The following CCDC91 variants were observed in gnomAD, a reference collection of about 807,000 sequenced individuals.
CCDC91 encodes the protein coiled-coil domain containing 91.
Under a neutral mutation model 63.2 loss-of-function variants are expected in CCDC91, and 48 were observed. That is an observed-to-expected ratio of 0.76 (90% CI 0.60 to 0.97). The LOEUF (loss-of-function observed/expected upper bound fraction) is 0.97. CCDC91 is among the 50% of genes least tolerant of loss of function. CCDC91 has a pLI of 0.00. For missense variants in CCDC91, 500 were observed against 494.6 expected, an observed-to-expected ratio of 1.01 and a Z score of -0.10; for synonymous variants, 167 against 165.8, an observed-to-expected ratio of 1.01 and a Z score of -0.06.
intron 3 of CCDC91, chr12:28,304,761 G>A (rs1938525408): frequency 4.7e-6 from 3 of 631,636 alleles, no homozygotes; most frequent in African/African-American, 1.9e-5. Context: ...GCACCAAAAA[G>A]TGACTCACTT....
At chr12:28,470,608 T>C (rs911363649) in intron 11 of CCDC91, among the ~76,000 whole-genome samples, 2 of 152,034 alleles carry the variant, frequency 1.3e-5, no homozygotes, top group African/African-American at 4.8e-5. Context: ...GAAAGAAAAT[T>C]AGTGTATCAG....
At chr12:28,420,127 G>A (rs912946267) in intron 8 of CCDC91, among the ~76,000 whole-genome samples, 3 of 152,008 alleles carry the variant, frequency 2.0e-5, no homozygotes, top group Non-Finnish European at 2.9e-5. Context: ...GTAAAATTTA[G>A]GAAGCTGACC....
chr12:28,436,851 T>A (rs1236142184), intron 8 of CCDC91, among the ~76,000 whole-genome samples: 1 of 151,962 alleles, frequency 6.6e-6, no homozygotes, highest in Non-Finnish European at 1.5e-5. Context: ...TAGGAATTCA[T>A]GTGTACTCTC....
chr12:28,448,907 A>G (rs1949666573), intron 8 of CCDC91, among the ~76,000 whole-genome samples: 1 of 152,074 alleles, frequency 6.6e-6, no homozygotes, highest in Non-Finnish European at 1.5e-5. Flanking sequence ...TTCTGCGTGC[A>G]TCTAGATTTA....
chr12:28,415,599 A>G (rs1306521419), intron 8 of CCDC91, among the ~76,000 whole-genome samples: 2 of 152,128 alleles, frequency 1.3e-5, no homozygotes, highest in South Asian at 2.1e-4. Flanking sequence ...AATTATAAAA[A>G]CATGGAAATT....
At chr12:28,282,371 T>C (rs1181271848) in intron 3 of CCDC91, among the ~76,000 whole-genome samples, 2 of 152,162 alleles carry the variant, frequency 1.3e-5, no homozygotes, top group East Asian at 3.8e-4. Flanking sequence ...ATTTGTTCTT[T>C]TGTTCCTGAC....
At chr12:28,540,841 C>T (rs1942577969) in intron 12 of CCDC91, among the ~76,000 whole-genome samples, 1 of 151,980 alleles carries the variant, frequency 6.6e-6, no homozygotes, top group East Asian at 1.9e-4. Context: ...TCTTGGATTG[C>T]TTATTTTGGG....
chr12:28,546,597 G>A (rs1416173434), intron 12 of CCDC91, among the ~76,000 whole-genome samples: 1 of 152,030 alleles, frequency 6.6e-6, no homozygotes, highest in African/African-American at 2.4e-5. Flanking sequence ...ACAGAGGTCT[G>A]TGTTGAAGGA....
At chr12:28,304,990 T>C (rs771173657) in intron 3 of CCDC91, among the ~76,000 whole-genome samples, 2 of 152,154 alleles carry the variant, frequency 1.3e-5, no homozygotes, top group African/African-American at 2.4e-5. Context: ...AGAAAAGTTA[T>C]TATTTTTCTG....
At chr12:28,416,974 C>T (rs1005228730) in intron 8 of CCDC91, among the ~76,000 whole-genome samples, 19 of 151,992 alleles carry the variant, frequency 1.3e-4, no homozygotes, top group African/African-American at 4.3e-4. Context: ...CTTTGATGGT[C>T]TCTGGTTTCA....
intron 8 of CCDC91, among the ~76,000 whole-genome samples, chr12:28,418,231 C>G (rs1947797536): frequency 6.6e-6 from 1 of 152,070 alleles, no homozygotes. Context: ...TTGGCATTGT[C>G]TGTTTTAAGC....
At chr12:28,306,631 T>A in intron 4 of CCDC91, 111 bp from the exon 5 acceptor site, 1 of 712,756 alleles carries the variant, frequency 1.4e-6, no homozygotes, top group Non-Finnish European at 2.2e-6. Flanking sequence ...TTTCGGAACC[T>A]TTTCAACAAC....
intron 3 of CCDC91, among the ~76,000 whole-genome samples, chr12:28,303,767 G>A (rs1938343248): frequency 6.6e-6 from 1 of 152,092 alleles, no homozygotes; most frequent in Non-Finnish European, 1.5e-5. Flanking sequence ...CTGAAGCACA[G>A]AGAAGTTAAG....
intron 12 of CCDC91, among the ~76,000 whole-genome samples, chr12:28,520,200 T>G (rs895186204): frequency 9.9e-5 from 15 of 152,128 alleles, no homozygotes; most frequent in East Asian, 1.9e-4. Flanking sequence ...GTGTAAAAGT[T>G]TTCCTGTTTC....
At chr12:28,259,323 CT>C (rs1470367828) in intron 2 of CCDC91, 40 bp from the exon 3 acceptor site, 1 of 1,456,206 alleles carries the variant, frequency 6.9e-7, no homozygotes, top group African/African-American at 1.4e-5. Flanking sequence ...AGCATTTCTG[CT>C]TTTCACATCT....
At chr12:28,522,785 A>G (rs1186860722) in intron 12 of CCDC91, among the ~76,000 whole-genome samples, 2 of 151,992 alleles carry the variant, frequency 1.3e-5, no homozygotes, top group South Asian at 2.1e-4. Flanking sequence ...CTTTGTTCTC[A>G]TTGGTTTCAA....
chr12:28,317,923 A>G (rs1205278243), intron 6 of CCDC91, among the ~76,000 whole-genome samples: 1 of 151,938 alleles, frequency 6.6e-6, no homozygotes, highest in Non-Finnish European at 1.5e-5. Flanking sequence ...TCTTCACTAA[A>G]GTATTGATTT....
At chr12:28,270,006 G>A (rs530618337) in intron 3 of CCDC91, among the ~76,000 whole-genome samples, 1 of 151,726 alleles carries the variant, frequency 6.6e-6, no homozygotes, top group South Asian at 2.1e-4. Context: ...GCATTGCTGA[G>A]GTGATAATCA....
chr12:28,543,363 A>G (rs187938090), intron 12 of CCDC91, among the ~76,000 whole-genome samples: 1 of 152,204 alleles, frequency 6.6e-6, no homozygotes. Context: ...ATCATGTGCT[A>G]GCAAGCTTGT....
Sources: gnomAD v4.1 joint callset for allele counts (sites outside exome capture counted in the v4.1 genomes callset) on GRCh38, gnomAD v4.1.1 for gene constraint, MANE v1.5 for transcripts, NCBI Gene and HGNC (gene_info 2026-07-23, HGNC 2026-07-21) for gene names.